The following SECISBP2 variants were observed in gnomAD, a reference collection of about 807,000 sequenced individuals.
SECISBP2 encodes SECIS binding protein 2.
Under a neutral mutation model 98.2 loss-of-function variants are expected in SECISBP2, and 96 were observed. That is an observed-to-expected ratio of 0.98 (90% CI 0.83 to 1.16). The LOEUF (loss-of-function observed/expected upper bound fraction) is 1.16, where lower values mean the gene tolerates loss of function less well. Ranked by LOEUF, SECISBP2 falls within the 50% of genes most tolerant of loss-of-function variation. The pLI, the probability that SECISBP2 is intolerant of heterozygous loss-of-function variation, is 0.00. For missense variants in SECISBP2, 1,046 were observed against 1,022.9 expected, an observed-to-expected ratio of 1.02 and a Z score of -0.31; for synonymous variants, 407 against 370.2, an observed-to-expected ratio of 1.10 and a Z score of -1.14.
In SECISBP2 at chr9:89,358,135, G is replaced by A; in HGVS notation, c.2405G>A (p.Ser802Asn). The change falls in exon 16 of 17, where the codon AGC becomes AAC. Residue 802 changes from serine (S) to asparagine (N), a missense_variant. Physicochemically the swap from Ser to Asn is conservative, Grantham distance 46 (BLOSUM62 1). Coordinates refer to ENST00000375807, the MANE Select transcript of SECISBP2 (RefSeq NM_024077.5). ...CCCAGCCTACCCACACAGGGCCCCA[G>A]CTGCCCTGCAGAAGATGGCCCCCCA... ...APPSLPTQGP[S>N]CPAEDGPPAL... is the part of the protein sequence containing the mutation. The A allele has an allele frequency of 6.2e-7, 1 of 1,613,820 alleles. No homozygotes were observed. Among genetic ancestry groups the A allele is most frequent in the Non-Finnish European group, 8.5e-7 (1 of 1,179,936 alleles).
At chr9:89,327,649 CA>C (rs991416558) in intron 4 of SECISBP2, among the ~76,000 whole-genome samples, 15 of 152,152 alleles carry the variant, frequency 9.9e-5, no homozygotes, top group African/African-American at 3.6e-4. Flanking sequence ...TCATCTGTAT[CA>C]CTGTCTTCCA....
intron 8 of SECISBP2, among the ~76,000 whole-genome samples, chr9:89,339,569 C>G (rs1373659464): frequency 6.6e-6 from 1 of 152,182 alleles, no homozygotes; most frequent in South Asian, 2.1e-4. Flanking sequence ...CTTTGAAGAA[C>G]AGGTACTTGA....
chr9:89,357,502 G>A lies in SECISBP2; in HGVS notation c.2205G>A (p.Gly735=). 6.2e-7 allele frequency: 1 copy of A among 1,614,234 alleles called. No individual in the cohort carries two copies. The highest frequency in any genetic ancestry group is 8.5e-7 in the Non-Finnish European group (1 of 1,180,056). The change falls in exon 15 of 17, where the codon GGG becomes GGA. Residue 735 remains glycine, a synonymous_variant. Coordinates refer to ENST00000375807, the MANE Select transcript of SECISBP2 (RefSeq NM_024077.5). ...FVFALNRKAL[G]RSLNKAVPVS... ...TTGCTCTCAACCGCAAAGCTCTGGG[G>A]CGCAGTTTGAATAAGGCAGTTCCTG...
chr9:89,319,770 C>G lies in SECISBP2; in HGVS notation c.155C>G (p.Pro52Arg). The G allele has an allele frequency of 6.2e-7, 1 of 1,614,120 alleles. No individual in the cohort carries two copies. The highest frequency in any genetic ancestry group is 8.5e-7 in the Non-Finnish European group (1 of 1,179,998). ...CCCAGCTCTGCAGCCACATACTATC[C>G]GTTTGTTCAGGAACCACCAGTGACA... ...VFPSSAATYY[P>R]FVQEPPVTEQ... Residue 52 changes from proline (P) to arginine (R), a missense_variant, in exon 2 of 17, where the codon CCG becomes CGG. By Grantham distance (103) the Pro-to-Arg change is moderately radical. Transcript: ENST00000375807.
intron 10 of SECISBP2, among the ~76,000 whole-genome samples, chr9:89,343,166 T>C (rs2131864554): frequency 6.6e-6 from 1 of 152,338 alleles, no homozygotes; most frequent in East Asian, 1.9e-4. Context: ...GTAGTGCTGA[T>C]GTGGCTGCCT....
At position 89,336,081 on chromosome 9, in the gene SECISBP2, C is replaced by CTTTTTTTTTTTTTTTTTTTTTT. The variant is rs59799418; in HGVS notation, c.1089+1357_1089+1378dup. Among the ~76,000 whole-genome samples the CTTTTTTTTTTTTTTTTTTTTTT allele has an allele frequency of 6.0e-4, 20 of 33,058 alleles. 5 individuals carry two copies. The highest frequency in any genetic ancestry group is 9.6e-4 in the African/African-American group (8 of 8,362). 21.7% of individuals were successfully genotyped at this position (33,058 alleles called of 152,430 possible). ...TTTTTCCCTTAAGTAATTTTAAGTG[C>CTTTTTTTTTTTTTTTTTTTTTT]TTTTTTTTTTTTTTTTTTTTTTTTT... On this transcript the variant is annotated intron_variant, in intron 7 of 16. Transcript: ENST00000375807.
At chr9:89,328,924 T>C (rs1240744809) in intron 5 of SECISBP2, 38 bp downstream of exon 5, 2 of 1,484,908 alleles carry the variant, frequency 1.3e-6, no homozygotes, top group Admixed American at 1.8e-5. Context: ...TTTTCCTTTG[T>C]ACACTTTAAA....
chr9:89,350,326 G>A (rs1308611531), intron 13 of SECISBP2, among the ~76,000 whole-genome samples: 1 of 152,170 alleles, frequency 6.6e-6, no homozygotes, highest in African/African-American at 2.4e-5. Context: ...ATAGTCTCCC[G>A]GTATTTGTCT....
chr9:89,325,502 T>G lies in SECISBP2; in HGVS notation c.258T>G (p.Thr86=). 1 of 1,613,796 alleles carries G rather than the reference T, an allele frequency of 6.2e-7. No homozygotes were observed. The highest frequency in any genetic ancestry group is 8.5e-7 in the Non-Finnish European group (1 of 1,179,838). Residue 86 remains threonine, a synonymous_variant, in exon 3 of 17, where the codon ACT becomes ACG. Transcript: ENST00000375807. ...FPPQYLSSEI[T]LHPYAYSPYT... ...CTCAGTATTTATCTTCTGAGATAAC[T>G]CTTCATCCATATGCCTATTCTCCTT... is the stretch of plus-strand genomic sequence containing the variant.
chr9:89,358,987 A>C lies in SECISBP2; in HGVS notation c.*163A>C. The C allele has an allele frequency of 3.1e-6, 2 of 644,134 alleles. No individual in the cohort carries two copies. Among genetic ancestry groups the C allele is most frequent in the Admixed American group, 2.3e-5 (1 of 42,662 alleles). 39.9% of individuals were successfully genotyped at this position (644,134 alleles called of 1,614,324 possible). A position where few individuals can be genotyped will look rare whatever the true frequency, so the allele number is the denominator to read the frequency against. On this transcript the variant is annotated 3_prime_UTR_variant, in exon 17 of 17. Coordinates refer to ENST00000375807, the MANE Select transcript of SECISBP2 (RefSeq NM_024077.5). ...CATGAAGCAGTGTCTGCAGGCGTTC[A>C]GTGCTGCGGAGCCTGTTAAAGGTCA...
chr9:89,341,104 T>C (rs569600500), intron 9 of SECISBP2, among the ~76,000 whole-genome samples: 10 of 152,294 alleles, frequency 6.6e-5, no homozygotes, highest in South Asian at 6.2e-4. Context: ...AATGGAGATA[T>C]AGACAAAAGT....
At chr9:89,343,239 A>C (rs889995291) in intron 10 of SECISBP2, among the ~76,000 whole-genome samples, 1 of 152,224 alleles carries the variant, frequency 6.6e-6, no homozygotes, top group African/African-American at 2.4e-5. Context: ...ATGTCATAAA[A>C]AGCAACATGA....
intron 2 of SECISBP2, chr9:89,323,186 T>G (rs1395214977): frequency 6.6e-6 from 1 of 152,228 alleles, no homozygotes; most frequent in Non-Finnish European, 1.5e-5. Context: ...GGGGAATGGA[T>G]GTTAAATTTG....
rs777167932 is a variant in SECISBP2 at position 89,319,715 on chromosome 9, T to C, written c.100T>C (p.Trp34Arg). 6.2e-7 allele frequency: 1 copy of C among 1,614,188 alleles called. No individual in the cohort carries two copies. Among genetic ancestry groups the C allele is most frequent in the Non-Finnish European group, 8.5e-7 (1 of 1,180,008 alleles). The change falls in exon 2 of 17, where the codon TGG (tryptophan) becomes CGG (arginine). Residue 34 changes from tryptophan to arginine, a missense_variant. Transcript: ENST00000375807. ...VPRFAGLNVAWLESSEACVFP... is the reference protein window; with the variant it reads ...VPRFAGLNVARLESSEACVFP... Reference sequence around the variant, plus strand: ...CAGATTTGCCGGGCTCAATGTGGCATGGTTAGAGTCCTCAGAAGCATGTGT... The same window carrying C: ...CAGATTTGCCGGGCTCAATGTGGCACGGTTAGAGTCCTCAGAAGCATGTGT...
intron 14 of SECISBP2, chr9:89,356,704 A>G (rs908176213): frequency 2.6e-5 from 4 of 152,776 alleles, no homozygotes; most frequent in African/African-American, 4.9e-5. Context: ...CTTTAACAGC[A>G]TGCTGAAGTT....
intron 14 of SECISBP2, chr9:89,354,830 A>G (rs1398850889): frequency 5.1e-6 from 5 of 985,220 alleles, no homozygotes; most frequent in Non-Finnish European, 6.0e-6. Context: ...GAGACCCTCC[A>G]GTGAGAGAGA....
chr9:89,365,009 T>C, the SECISBP2 span: 1 of 152,268 alleles, frequency 6.6e-6, no homozygotes, highest in African/African-American at 2.4e-5. Context: ...CCTTCCTTGC[T>C]CGTGAAGTCT....
At chr9:89,363,924 C>T, downstream of SECISBP2, 2 of 1,614,092 alleles carry the variant, frequency 1.2e-6, no homozygotes, top group Non-Finnish European at 1.7e-6. Flanking sequence ...CCATTCTTCT[C>T]CCAGACAAAG....
At position 89,359,145 on chromosome 9, in the gene SECISBP2, T is replaced by C. The variant is rs1427914262; in HGVS notation, c.*321T>C. ...CTTTGGCTGCTAAGGAAACTTCCTC[T>C]CCATTGCAGAATAGCTGAGCCAAGT... On this transcript the variant is annotated 3_prime_UTR_variant, in exon 17 of 17. Coordinates refer to ENST00000375807, the MANE Select transcript of SECISBP2 (RefSeq NM_024077.5). The C allele has an allele frequency of 8.3e-6, 3 of 362,002 alleles. No individual in the cohort carries two copies. The highest frequency in any genetic ancestry group is 1.6e-5 in the Non-Finnish European group (3 of 188,966). 22.4% of individuals were successfully genotyped at this position (362,002 alleles called of 1,614,324 possible). A position where few individuals can be genotyped will look rare whatever the true frequency, so the allele number is the denominator to read the frequency against.
Sources: gnomAD v4.1 joint callset for allele counts (sites outside exome capture counted in the v4.1 genomes callset) on GRCh38, gnomAD v4.1.1 for gene constraint, MANE v1.5 for transcripts, NCBI Gene and HGNC (gene_info 2026-07-23, HGNC 2026-07-21) for gene names.